MEI4: variants seen among roughly 807,000 people sequenced by gnomAD.
The protein encoded by MEI4 is meiotic double-stranded break formation protein 4, also known as meiosis-specific protein MEI4.
MEI4 carries 27 observed loss-of-function variants against 31.4 expected under a neutral mutation model. The ratio of observed to expected loss-of-function variants is 0.86; its 90% CI spans 0.63 to 1.19. MEI4 has a LOEUF of 1.19. Among genes scored for constraint, MEI4 ranks in the 50% most tolerant of loss-of-function variants. The pLI is 0.00. For missense variants in MEI4, 329 were observed against 398.9 expected (o/e 0.82, Z 1.49); for synonymous variants, 122 against 145.4 (o/e 0.84, Z 1.16).
chr6:77,816,120 AAAG>A (rs1294969465), intron 3 of MEI4, among the ~76,000 whole-genome samples: 1 of 152,150 alleles, frequency 6.6e-6, no homozygotes, highest in Non-Finnish European at 1.5e-5. Context: ...GTCCAGAAGG[AAAG>A]CACTATAAAA....
intron 4 of MEI4, among the ~76,000 whole-genome samples, chr6:77,832,010 T>C (rs1562005523): frequency 6.6e-6 from 1 of 152,050 alleles, no homozygotes; most frequent in Non-Finnish European, 1.5e-5. Flanking sequence ...TGTATACATG[T>C]ATGAAAATAT....
chr6:77,899,931 G>GA lies in MEI4; in HGVS notation c.901-23147dup, dbSNP rs985331883. 3.8e-3 allele frequency among the ~76,000 whole-genome samples: 547 copies of GA among 142,692 alleles called. 1 individual carries two copies. The highest frequency in any genetic ancestry group is 8.3e-3 in the South Asian group (38 of 4,584). The allele number at this position is 142,692 out of a possible 152,430, so 93.6% of individuals were successfully genotyped here. A position where few individuals can be genotyped will look rare whatever the true frequency, so the allele number is the denominator to read the frequency against. The stretch of plus-strand genomic sequence containing the variant: ...AAAACCTGAAATTATGAAACTACCA[G>GA]AAAAAAAAAAACAGGAAATCCTTCA... On this transcript the variant is annotated intron_variant, in intron 4 of 4. Transcript: ENST00000684080.
At chr6:77,715,820 G>A (rs969132185) in intron 2 of MEI4, among the ~76,000 whole-genome samples, 3 of 151,986 alleles carry the variant, frequency 2.0e-5, no homozygotes, top group Admixed American at 2.0e-4. Flanking sequence ...ATTATGTCAT[G>A]CTTCAAATAT....
intron 3 of MEI4, among the ~76,000 whole-genome samples, chr6:77,772,598 G>A (rs1042119673): frequency 1.3e-5 from 2 of 151,974 alleles, no homozygotes; most frequent in African/African-American, 4.8e-5. Context: ...ATATTTGACA[G>A]AGCCACAGCC....
chr6:77,746,850 A>G (rs958893564), intron 2 of MEI4, among the ~76,000 whole-genome samples: 1 of 152,092 alleles, frequency 6.6e-6, no homozygotes, highest in African/African-American at 2.4e-5. Context: ...TATTAGCTGA[A>G]ATGGACAACA....
intron 3 of MEI4, among the ~76,000 whole-genome samples, chr6:77,767,000 C>G (rs1422015578): frequency 6.6e-6 from 1 of 152,078 alleles, no homozygotes; most frequent in Non-Finnish European, 1.5e-5. Context: ...AGTTACTTAA[C>G]CACTCTGCTT....
At chr6:77,731,574 A>G (rs1181034456) in intron 2 of MEI4, among the ~76,000 whole-genome samples, 1 of 151,232 alleles carries the variant, frequency 6.6e-6, no homozygotes, top group Non-Finnish European at 1.5e-5. Context: ...CCCATTTTGT[A>G]GGTTGCCTGT....
At chr6:77,860,755 G>A (rs1048248451) in intron 4 of MEI4, among the ~76,000 whole-genome samples, 1 of 151,956 alleles carries the variant, frequency 6.6e-6, no homozygotes, top group South Asian at 2.1e-4. Flanking sequence ...ACTTTTCACG[G>A]TCTCCTCTGT....
At chr6:77,752,458 T>C in intron 2 of MEI4, among the ~76,000 whole-genome samples, 1 of 152,172 alleles carries the variant, frequency 6.6e-6, no homozygotes, top group Non-Finnish European at 1.5e-5. Context: ...AGCATTCTTA[T>C]ACACCAAGAA....
chr6:77,840,576 A>G (rs1326296370), intron 4 of MEI4, among the ~76,000 whole-genome samples: 1 of 152,010 alleles, frequency 6.6e-6, no homozygotes, highest in Non-Finnish European at 1.5e-5. Flanking sequence ...ACTAAAGATA[A>G]TTCTTTCTCC....
At chr6:77,918,751 A>G (rs1439351395) in intron 4 of MEI4, among the ~76,000 whole-genome samples, 1 of 151,660 alleles carries the variant, frequency 6.6e-6, no homozygotes, top group African/African-American at 2.4e-5. Context: ...CTAATTGAAT[A>G]CCCTTTATTT....
At chr6:77,842,694 G>T (rs538523631) in intron 4 of MEI4, among the ~76,000 whole-genome samples, 17 of 151,930 alleles carry the variant, frequency 1.1e-4, no homozygotes, top group Non-Finnish European at 1.6e-4. Flanking sequence ...CACAGTACAA[G>T]CATTTGAGGG....
chr6:77,751,666 C>T (rs1433968406), intron 2 of MEI4, among the ~76,000 whole-genome samples: 1 of 152,104 alleles, frequency 6.6e-6, no homozygotes, highest in Non-Finnish European at 1.5e-5. Flanking sequence ...GATGGATTAA[C>T]AGCCAAATTC....
chr6:77,697,218 C>T (rs1210105711), intron 2 of MEI4, among the ~76,000 whole-genome samples: 1 of 152,148 alleles, frequency 6.6e-6, no homozygotes, highest in Non-Finnish European at 1.5e-5. Flanking sequence ...AAAAAACCAG[C>T]TCCTGGATTC....
chr6:77,922,992 T>C, intron 4 of MEI4, 97 bp from the exon 5 acceptor site: 1 of 653,234 alleles, frequency 1.5e-6, no homozygotes, highest in Non-Finnish European at 2.2e-6. Flanking sequence ...ATATTTCAAA[T>C]ATATTTCGTT....
intron 2 of MEI4, among the ~76,000 whole-genome samples, chr6:77,730,964 T>C (rs1766971228): frequency 1.3e-5 from 2 of 151,812 alleles, no homozygotes; most frequent in South Asian, 4.1e-4. Flanking sequence ...AACCCATCAT[T>C]TTTTATGGCT....
chr6:77,679,214 C>G (rs933173698), intron 1 of MEI4, among the ~76,000 whole-genome samples: 9 of 152,130 alleles, frequency 5.9e-5, no homozygotes, highest in Non-Finnish European at 8.8e-5. Flanking sequence ...CAGTAGTATA[C>G]AGTAATGTGC....
At chr6:77,712,523 T>C (rs1561954684) in intron 2 of MEI4, among the ~76,000 whole-genome samples, 1 of 152,116 alleles carries the variant, frequency 6.6e-6, no homozygotes, top group African/African-American at 2.4e-5. Flanking sequence ...ATTCTGACAA[T>C]AGATATGAAT....
chr6:77,788,934 C>T (rs1036255684), intron 3 of MEI4, among the ~76,000 whole-genome samples: 22 of 152,098 alleles, frequency 1.4e-4, no homozygotes, highest in Non-Finnish European at 2.5e-4. Flanking sequence ...AAAAAAGAGC[C>T]CCTATTGCCA....
Sources: allele counts gnomAD v4.1 joint callset (sites outside exome capture counted in the v4.1 genomes callset), GRCh38; gene constraint gnomAD v4.1.1; transcripts MANE v1.5; gene names NCBI Gene and HGNC (gene_info 2026-07-23, HGNC 2026-07-21).